SLC25A31: variants seen among roughly 807,000 people sequenced by gnomAD.
SLC25A31 encodes ADP/ATP translocase 4.
A neutral mutation model predicts 36.2 loss-of-function variants in SLC25A31; 40 were observed. That is an observed-to-expected ratio of 1.10 (90% CI 0.86 to 1.44). SLC25A31 has a LOEUF of 1.44. Among genes scored for constraint, SLC25A31 ranks in the 40% most tolerant of loss-of-function variants. The probability of loss-of-function intolerance (pLI) is 0.00; values close to 1 mark genes in which losing one functional copy is unlikely to be tolerated. For synonymous variants in SLC25A31, 143 were observed against 149.7 expected (o/e 0.96, Z 0.32); for missense variants, 350 against 397.1 (o/e 0.88, Z 1.01).
intron 2 of SLC25A31, among the ~76,000 whole-genome samples, chr4:127,748,320 G>A (rs4834217): frequency 0.71 from 107,754 of 151,996 alleles, 38,660 homozygotes; most frequent in Middle Eastern, 0.8. Context: ...TGCTCACCCA[G>A]CAACCCACCA....
chr4:127,752,745 C>T (rs2148759054), intron 2 of SLC25A31, among the ~76,000 whole-genome samples: 1 of 152,292 alleles, frequency 6.6e-6, no homozygotes, highest in Non-Finnish European at 1.5e-5. Flanking sequence ...ATGCACTCTA[C>T]ATCGGAGCAC....
intron 1 of SLC25A31, among the ~76,000 whole-genome samples, chr4:127,740,770 A>G (rs528892817): frequency 6.6e-6 from 1 of 152,312 alleles, no homozygotes; most frequent in South Asian, 2.1e-4. Context: ...CAGGCTGCCA[A>G]TGCAGGTGAG....
In SLC25A31 at chr4:127,767,163, A is replaced by G; in HGVS notation, c.576A>G (p.Ser192=). The G allele has an allele frequency of 6.2e-7, 1 of 1,613,778 alleles. No individual in the cohort carries two copies. Among genetic ancestry groups the G allele is most frequent in the South Asian group, 1.1e-5 (1 of 91,044 alleles). Residue 192 remains serine (S), a synonymous_variant, in exon 4 of 6, where the codon TCA becomes TCG. Coordinates refer to ENST00000281154, the MANE Select transcript of SLC25A31 (RefSeq NM_031291.4). ...GTTTATACCAAGGGTTTGGTGTTTC[A>G]GTACAGGGCATCATTGTGTACCGAG... ...IAGLYQGFGV[S]VQGIIVYRAS...
At chr4:127,764,437 C>CTA in intron 3 of SLC25A31, 77 bp downstream of exon 3, 1 of 1,218,002 alleles carries the variant, frequency 8.2e-7, no homozygotes, top group Non-Finnish European at 1.2e-6. Flanking sequence ...ATTAATTGTG[C>CTA]TATAATAGTG....
chr4:127,763,559 A>G (rs1732182525), intron 2 of SLC25A31, among the ~76,000 whole-genome samples: 1 of 152,204 alleles, frequency 6.6e-6, no homozygotes, highest in Admixed American at 6.5e-5. Context: ...CACATTTTAA[A>G]TGTTGATCAA....
Position 127,744,809 on chromosome 4 carries a change from T to TA in SLC25A31, c.360+10_360+11insA. On this transcript the variant is annotated intron_variant, in intron 2 of 5. Coordinates refer to ENST00000281154, the MANE Select transcript of SLC25A31 (RefSeq NM_031291.4). ...TAATAAAGAAAAACAGGTAATTATA[T>TA]TTTTTTTTTACTTTTTTCTTCCAAT... 1 of 1,203,014 alleles carries TA rather than the reference T, an allele frequency of 8.3e-7. No individual in the cohort carries two copies. Among genetic ancestry groups the TA allele is most frequent in the East Asian group, 2.9e-5 (1 of 34,962 alleles). The allele number at this position is 1,203,014 out of a possible 1,614,324, so 74.5% of individuals were successfully genotyped here.
chr4:127,734,217 G>A (rs770373852), intron 1 of SLC25A31, among the ~76,000 whole-genome samples: 1 of 152,146 alleles, frequency 6.6e-6, no homozygotes, highest in Non-Finnish European at 1.5e-5. Context: ...GTAAATATGT[G>A]TTTAATCAAA....
Position 127,730,782 on chromosome 4 carries a change from G to A in SLC25A31, c.232+5G>A, listed in dbSNP as rs1262661375. ...TGCGGATTCCTCGCGAGCAGGGTGC[G>A]TCAAGGCAGGCCGCCCCGACAGCCT... On this transcript the variant is annotated splice_donor_5th_base_variant and intron_variant, in intron 1 of 5. Transcript: ENST00000281154. 3.1e-6 allele frequency: 5 copies of A among 1,601,824 alleles called. No individual in the cohort carries two copies. The highest frequency in any genetic ancestry group is 4.3e-6 in the Non-Finnish European group (5 of 1,171,474).
chr4:127,741,651 C>T (rs1215336093), intron 1 of SLC25A31, among the ~76,000 whole-genome samples: 4 of 152,060 alleles, frequency 2.6e-5, no homozygotes, highest in African/African-American at 9.7e-5. Context: ...CATGTTTGTT[C>T]ATTGGAATAT....
intron 1 of SLC25A31, among the ~76,000 whole-genome samples, chr4:127,733,619 T>C (rs1731571061): frequency 6.6e-6 from 1 of 152,226 alleles, no homozygotes; most frequent in Admixed American, 6.5e-5. Flanking sequence ...TATTATATTT[T>C]TGGTATGGTC....
intron 1 of SLC25A31, among the ~76,000 whole-genome samples, chr4:127,736,144 C>T (rs1177731489): frequency 6.6e-6 from 1 of 152,000 alleles, no homozygotes; most frequent in African/African-American, 2.4e-5. Context: ...CCGCCTCGGC[C>T]TCCCAAAGTG....
At chr4:127,761,189 G>T (rs1223365189) in intron 2 of SLC25A31, among the ~76,000 whole-genome samples, 3 of 151,932 alleles carry the variant, frequency 2.0e-5, no homozygotes, top group Non-Finnish European at 4.4e-5. Flanking sequence ...TATATATGTT[G>T]TGCCTGCCCC....
In SLC25A31 at chr4:127,773,495, G is replaced by A. The variant is rs199786704; in HGVS notation, c.869G>A (p.Arg290His). Reference sequence around the variant, plus strand: ...CGTGGCGCCTTCTCCAATGTTCTTCGCGGTACAGGGGGTGCTTTGGTGTTG... The same window carrying A: ...CGTGGCGCCTTCTCCAATGTTCTTCACGGTACAGGGGGTGCTTTGGTGTTG... ...FFRGAFSNVL[R>H]GTGGALVLVL... The change falls in exon 6 of 6, where the codon CGC becomes CAC. Residue 290 changes from arginine (R) to histidine (H), a missense_variant. Arg to His is a conservative substitution (Grantham distance 29). Coordinates refer to ENST00000281154, the MANE Select transcript of SLC25A31 (RefSeq NM_031291.4). 22 of 1,613,832 alleles carry A rather than the reference G, an allele frequency of 1.4e-5. No individual in the cohort carries two copies. The highest frequency in any genetic ancestry group is 5.3e-5 in the African/African-American group (4 of 74,894).
In SLC25A31 at chr4:127,764,245, C is replaced by T. The variant is rs781685144; in HGVS notation, c.363C>T (p.Phe121=). The T allele has an allele frequency of 2.5e-5, 41 of 1,612,426 alleles. No individual in the cohort carries two copies. The highest frequency in any genetic ancestry group is 3.2e-5 in the Non-Finnish European group (38 of 1,178,914). Reference sequence around the variant, plus strand: ...ACTTTTAAATTAATATGTTTCAGTTCTGGAGGTGGTTTTTGGCAAACCTGG... The same window carrying T: ...ACTTTTAAATTAATATGTTTCAGTTTTGGAGGTGGTTTTTGGCAAACCTGG... The part of the protein sequence containing the change: ...FMSGVNKEKQ[F]WRWFLANLAS... Residue 121 remains phenylalanine (F), a splice_region_variant and synonymous_variant, in exon 3 of 6, where the codon TTC becomes TTT. Coordinates refer to ENST00000281154, the MANE Select transcript of SLC25A31 (RefSeq NM_031291.4).
intron 2 of SLC25A31, among the ~76,000 whole-genome samples, chr4:127,763,635 A>C (rs1732184176): frequency 6.6e-6 from 1 of 152,256 alleles, no homozygotes; most frequent in Non-Finnish European, 1.5e-5. Flanking sequence ...CTTAAATGCC[A>C]TACAACTACA....
Position 127,766,978 on chromosome 4 carries a change from A to T in SLC25A31, c.479-88A>T, listed in dbSNP as rs145119775. ...TTAGATTTGTAAGTGGGAATTTCAG[A>T]TCATTTAGATCTGTAAAGGTTTATT... On this transcript the variant is annotated intron_variant, in intron 3 of 5. Transcript: ENST00000281154. 3.0e-4 allele frequency: 346 copies of T among 1,142,770 alleles called. 1 individual carries two copies. In the African/African-American group the frequency reaches 4.7e-3, roughly 15 times the overall value. 70.8% of individuals were successfully genotyped at this position (1,142,770 alleles called of 1,614,324 possible).
intron 3 of SLC25A31, among the ~76,000 whole-genome samples, chr4:127,766,689 C>T (rs1195407375): frequency 1.3e-5 from 2 of 152,126 alleles, no homozygotes; most frequent in Non-Finnish European, 2.9e-5. Context: ...TCTCGAACTC[C>T]TGGCCTCAAG....
At chr4:127,736,966 A>G (rs1731645323) in intron 1 of SLC25A31, among the ~76,000 whole-genome samples, 1 of 152,220 alleles carries the variant, frequency 6.6e-6, no homozygotes, top group Admixed American at 6.5e-5. Flanking sequence ...AGTAGAGTTG[A>G]ATTAAAACGC....
intron 2 of SLC25A31, among the ~76,000 whole-genome samples, chr4:127,758,112 G>A (rs1732063230): frequency 6.6e-6 from 1 of 152,160 alleles, no homozygotes; most frequent in East Asian, 1.9e-4. Flanking sequence ...GAGTAGCATA[G>A]GAAAGACTGA....
Sources: allele counts gnomAD v4.1 joint callset (sites outside exome capture counted in the v4.1 genomes callset), GRCh38; gene constraint gnomAD v4.1.1; transcripts MANE v1.5; gene names NCBI Gene and HGNC (gene_info 2026-07-23, HGNC 2026-07-21).